The following ATP9B variants were observed in gnomAD, a reference collection of about 807,000 sequenced individuals.
The protein encoded by ATP9B is probable phospholipid-transporting ATPase IIB.
Under a neutral mutation model 146.1 loss-of-function variants are expected in ATP9B, and 110 were observed. The ratio of observed to expected loss-of-function variants is 0.75; its 90% confidence interval spans 0.65 to 0.88. ATP9B has a LOEUF of 0.88. ATP9B is among the 40% of genes least tolerant of loss of function. The pLI, the probability that ATP9B is intolerant of heterozygous loss-of-function variation, is 0.00. For missense variants in ATP9B, 1,499 were observed against 1,496.4 expected (o/e 1.00, Z -0.03); for synonymous variants, 604 against 569.7 (o/e 1.06, Z -0.86).
At chr18:79,278,932 G>A (rs1190834705) in intron 13 of ATP9B, among the ~76,000 whole-genome samples, 2 of 152,196 alleles carry the variant, frequency 1.3e-5, no homozygotes, top group African/African-American at 4.8e-5. Flanking sequence ...CTGGAAAACA[G>A]TTGGAATCAG....
chr18:79,209,624 G>C (rs539465861), intron 10 of ATP9B: 21 of 984,668 alleles, frequency 2.1e-5, no homozygotes, highest in Non-Finnish European at 2.5e-5. Flanking sequence ...GCCCCATCCT[G>C]TCCATTCTGT....
intron 1 of ATP9B, among the ~76,000 whole-genome samples, chr18:79,073,413 A>G (rs1036361246): frequency 3.3e-5 from 5 of 152,224 alleles, no homozygotes; most frequent in African/African-American, 7.2e-5. Context: ...GACCACTCGA[A>G]GTCAGGAGCC....
intron 6 of ATP9B, among the ~76,000 whole-genome samples, chr18:79,147,303 C>T (rs1320833867): frequency 3.3e-5 from 5 of 152,184 alleles, no homozygotes; most frequent in African/African-American, 4.8e-5. Context: ...AGGGGATAGA[C>T]GCTCCGCAGT....
At chr18:79,260,471 G>A (rs887989799) in intron 12 of ATP9B, among the ~76,000 whole-genome samples, 1 of 152,134 alleles carries the variant, frequency 6.6e-6, no homozygotes, top group Non-Finnish European at 1.5e-5. Context: ...GCTGACTAAA[G>A]GATCTACTCA....
chr18:79,071,769 C>G (rs973262938), intron 1 of ATP9B, among the ~76,000 whole-genome samples: 4 of 152,036 alleles, frequency 2.6e-5, no homozygotes, highest in Non-Finnish European at 4.4e-5. Flanking sequence ...TGATGTTCCC[C>G]TGTAGATAAT....
intron 9 of ATP9B, among the ~76,000 whole-genome samples, chr18:79,197,765 C>G (rs2095430063): frequency 6.6e-6 from 1 of 152,072 alleles, no homozygotes; most frequent in African/African-American, 2.4e-5. Flanking sequence ...CAAAGAGCAG[C>G]AAAGAGCAAG....
intron 8 of ATP9B, 68 bp from the exon 9 acceptor site, chr18:79,193,115 A>G: frequency 8.4e-7 from 1 of 1,193,166 alleles, no homozygotes; most frequent in Non-Finnish European, 1.2e-6. Context: ...TAATCAGCAA[A>G]TGAGAAATTT....
chr18:79,241,574 A>C lies in ATP9B; in HGVS notation c.1108-11807A>C, dbSNP rs1487827961. Reference sequence around the variant, plus strand: ...TCTAACTACAAGCAGCATTCATCCAAAGTTAGAACCTGTTGACTGTATTTT... The same window carrying C: ...TCTAACTACAAGCAGCATTCATCCACAGTTAGAACCTGTTGACTGTATTTT... On this transcript the variant is annotated intron_variant, in intron 11 of 29. Transcript: ENST00000426216. 2.6e-5 allele frequency among the ~76,000 whole-genome samples: 4 copies of C among 152,286 alleles called. No homozygotes were observed. The South Asian group carries it at 8.3e-4, about 32-fold the overall frequency.
chr18:79,082,888 A>T (rs1483624584), intron 1 of ATP9B, among the ~76,000 whole-genome samples: 2 of 152,216 alleles, frequency 1.3e-5, no homozygotes, highest in Non-Finnish European at 2.9e-5. Flanking sequence ...GCGGTCAGGG[A>T]TCCACTTGAG....
chr18:79,120,117 C>T (rs1020681489), intron 4 of ATP9B, among the ~76,000 whole-genome samples: 2 of 152,164 alleles, frequency 1.3e-5, no homozygotes, highest in African/African-American at 4.8e-5. Context: ...TGAGTTCTTG[C>T]ATTTTCTATA....
intron 2 of ATP9B, among the ~76,000 whole-genome samples, chr18:79,097,162 A>C (rs2074859647): frequency 6.6e-6 from 1 of 151,822 alleles, no homozygotes; most frequent in Admixed American, 6.6e-5. Context: ...TGTCTCAAAA[A>C]AAAAAAAAAA....
intron 11 of ATP9B, among the ~76,000 whole-genome samples, chr18:79,246,344 C>CGGAGGGCACCGCCCTACTGACTGA (rs1309464224): frequency 2.2e-4 from 30 of 137,138 alleles, no homozygotes; most frequent in African/African-American, 4.9e-4. Context: ...ACTGACTGTG[C>CGGAGGGCACCGCCCTACTGACTGA]GGAGGGCACC....
chr18:79,195,913 A>T (rs1480643445), intron 9 of ATP9B, among the ~76,000 whole-genome samples: 6 of 152,252 alleles, frequency 3.9e-5, no homozygotes, highest in East Asian at 3.8e-4. Context: ...AAATGGTTTG[A>T]AACATTGACA....
intron 13 of ATP9B, among the ~76,000 whole-genome samples, chr18:79,285,280 C>G (rs2096425566): frequency 6.6e-6 from 1 of 151,972 alleles, no homozygotes; most frequent in East Asian, 1.9e-4. Context: ...TCTCCAGCAC[C>G]TGTTGTTTCC....
At chr18:79,084,855 T>C (rs1473816764) in intron 1 of ATP9B, among the ~76,000 whole-genome samples, 2 of 152,232 alleles carry the variant, frequency 1.3e-5, no homozygotes, top group African/African-American at 4.8e-5. Context: ...ATAACGTTGG[T>C]TAGTTGTTAA....
Position 79,178,741 on chromosome 18 carries a change from TTTA to T in ATP9B, c.873+1839_873+1841del, listed in dbSNP as rs368291159. ...ACCTAGTAGTCATACTGCATGTCTT[TTTA>T]TTATGTCACGGTATTTGATATGCTG... On this transcript the variant is annotated intron_variant, in intron 8 of 29. Transcript: ENST00000426216. Among the ~76,000 whole-genome samples the T allele has an allele frequency of 1.2e-4, 18 of 152,282 alleles. No individual in the cohort carries two copies. In the East Asian group the frequency reaches 3.5e-3, roughly 29 times the overall value.
intron 5 of ATP9B, among the ~76,000 whole-genome samples, chr18:79,133,229 G>A (rs540835507): frequency 1.8e-4 from 28 of 152,070 alleles, no homozygotes; most frequent in African/African-American, 6.0e-4. Context: ...TGTTTCCGTG[G>A]TCTGACACCT....
intron 11 of ATP9B, among the ~76,000 whole-genome samples, chr18:79,230,642 G>C (rs1303563966): frequency 1.3e-5 from 2 of 151,980 alleles, no homozygotes; most frequent in Non-Finnish European, 2.9e-5. Flanking sequence ...AAATGACCAT[G>C]CTGCCAAAAG....
At position 79,217,277 on chromosome 18, in the gene ATP9B, C is replaced by T. The variant is rs186687572; in HGVS notation, c.1107+3239C>T. ...TCGGCTCACTGCAAACTCCGCCTCC[C>T]GAGTTCACGCCATTCTCCTGCCTCA... On this transcript the variant is annotated intron_variant, in intron 11 of 29. Coordinates refer to ENST00000426216, the MANE Select transcript of ATP9B (RefSeq NM_198531.5). Among the ~76,000 whole-genome samples, 685 of 152,352 alleles carry T rather than the reference C, an allele frequency of 4.5e-3. 8 individuals are homozygous for T. Among genetic ancestry groups the T allele is most frequent in the African/African-American group, 0.015 (642 of 41,586 alleles).
Sources: gnomAD v4.1 joint callset for allele counts (sites outside exome capture counted in the v4.1 genomes callset) on GRCh38, gnomAD v4.1.1 for gene constraint, MANE v1.5 for transcripts, NCBI Gene and HGNC (gene_info 2026-07-23, HGNC 2026-07-21) for gene names.